PPP1R37: variants seen among roughly 807,000 people sequenced by gnomAD.
PPP1R37 encodes leucine rich repeat containing 68.
In PPP1R37, 21 loss-of-function variants were observed where a neutral mutation model predicts 61.0. The ratio of observed to expected loss-of-function variants is 0.34; its 90% CI spans 0.24 to 0.50. PPP1R37 has a LOEUF of 0.50. Among genes scored for constraint, PPP1R37 ranks in the 20% least tolerant of loss-of-function variants. The probability of loss-of-function intolerance (pLI) is 0.98; values close to 1 mark genes in which losing one functional copy is unlikely to be tolerated. For synonymous variants in PPP1R37, 443 were observed against 433.5 expected (o/e 1.02, Z -0.27); for missense variants, 910 against 952.7 (o/e 0.96, Z 0.59).
In PPP1R37 at chr19:45,120,014, C is replaced by CTTTTTTTTTTTTTTTTTTTTTTTTTT. The variant is rs11312138; in HGVS notation, c.203-18479_203-18478insTTTTTTTTTTTTTTTTTTTTTTTTTT. ...AGCACAGATTTTTTATTTTCCCCTT[C>CTTTTTTTTTTTTTTTTTTTTTTTTTT]TTTTTTTTTTTTTTTTTTTTTGAGA... On this transcript the variant is annotated intron_variant, in intron 1 of 12. Transcript: ENST00000221462. 9.5e-4 allele frequency among the ~76,000 whole-genome samples: 79 copies of CTTTTTTTTTTTTTTTTTTTTTTTTTT among 83,568 alleles called. 9 individuals are homozygous for CTTTTTTTTTTTTTTTTTTTTTTTTTT. The highest frequency in any genetic ancestry group is 1.7e-3 in the Non-Finnish European group (69 of 41,780). 54.8% of individuals were successfully genotyped at this position (83,568 alleles called of 152,430 possible). A position where few individuals can be genotyped will look rare whatever the true frequency, so the allele number is the denominator to read the frequency against.
At chr19:45,144,796 T>G in intron 8 of PPP1R37, 58 bp from the exon 9 acceptor site, 1 of 1,423,882 alleles carries the variant, frequency 7.0e-7, no homozygotes, top group Non-Finnish European at 9.4e-7. Context: ...TGACTTGGCC[T>G]CCTGGGTCTC....
chr19:45,122,546 G>C (rs1398365263), intron 1 of PPP1R37, among the ~76,000 whole-genome samples: 1 of 152,200 alleles, frequency 6.6e-6, no homozygotes, highest in African/African-American at 2.4e-5. Flanking sequence ...CATGAGAAGT[G>C]CCACCTAGAG....
chr19:45,128,114 T>A (rs748274872), intron 1 of PPP1R37, among the ~76,000 whole-genome samples: 13 of 152,306 alleles, frequency 8.5e-5, no homozygotes, highest in South Asian at 2.1e-4. Context: ...TTAAACATTT[T>A]AAAAAATGTA....
At chr19:45,112,806 G>A (rs958966550) in intron 1 of PPP1R37, among the ~76,000 whole-genome samples, 5 of 152,202 alleles carry the variant, frequency 3.3e-5, no homozygotes, top group African/African-American at 7.2e-5. Context: ...GACCCTGCCC[G>A]GGGCACAGAG....
intron 1 of PPP1R37, among the ~76,000 whole-genome samples, chr19:45,114,157 A>G (rs562545502): frequency 1.3e-5 from 2 of 152,374 alleles, no homozygotes; most frequent in Admixed American, 1.3e-4. Context: ...AGACTCAGCC[A>G]TGAAGGGTCG....
intron 1 of PPP1R37, among the ~76,000 whole-genome samples, chr19:45,106,188 T>G (rs544445273): frequency 6.2e-4 from 95 of 152,002 alleles, no homozygotes; most frequent in Non-Finnish European, 1.2e-3. Context: ...CCCTGGCACT[T>G]GGGTCCAGGC....
chr19:45,146,325 G>C, intron 11 of PPP1R37, 65 bp from the exon 12 acceptor site: 2 of 1,450,644 alleles, frequency 1.4e-6, no homozygotes, highest in Non-Finnish European at 1.9e-6. Context: ...GCTGGGGCCG[G>C]GCTGGGGACA....
chr19:45,142,152 G>A lies in PPP1R37; in HGVS notation c.659G>A (p.Ser220Asn). 2.0e-6 allele frequency: 3 copies of A among 1,535,210 alleles called. No individual in the cohort carries two copies. The highest frequency in any genetic ancestry group is 2.6e-6 in the Non-Finnish European group (3 of 1,146,500). ...FVARALRIRSSLAVLHLENAS... is the reference protein window; with the variant it reads ...FVARALRIRSNLAVLHLENAS... The stretch of plus-strand genomic sequence containing the variant: ...GCCCGTGCCCTGCGCATCCGCAGCA[G>A]CCTGGCAGTGCTGCACTTGGAGAAC... The change falls in exon 6 of 13, where the codon AGC (serine) becomes AAC (asparagine). Residue 220 changes from serine (S) to asparagine (N), a missense_variant. Around this residue, in one of 3 missense-constraint regions of PPP1R37, gnomAD observed 280 missense variants for 382.2 expected, o/e 0.73. Transcript: ENST00000221462.
At chr19:45,123,463 G>T (rs937650032) in intron 1 of PPP1R37, among the ~76,000 whole-genome samples, 7 of 152,182 alleles carry the variant, frequency 4.6e-5, no homozygotes, top group Admixed American at 3.3e-4. Flanking sequence ...GTTCGAGAAG[G>T]CTGCATTTCT....
At chr19:45,127,645 G>T (rs1968423774) in intron 1 of PPP1R37, among the ~76,000 whole-genome samples, 1 of 152,124 alleles carries the variant, frequency 6.6e-6, no homozygotes, top group Non-Finnish European at 1.5e-5. Flanking sequence ...GTATTCAAAA[G>T]ATGTAAAAAG....
Position 45,142,468 on chromosome 19 carries a change from G to T in PPP1R37, c.874+10G>T, listed in dbSNP as rs1968626706. On this transcript the variant is annotated intron_variant, in intron 7 of 12. Transcript: ENST00000221462. ...CACGTGCTAGACTCGGGTGGGTGCA[G>T]TGGCCCACCCCACCCACACCCGTCA... 2.0e-6 allele frequency: 3 copies of T among 1,535,584 alleles called. No individual in the cohort carries two copies. Among genetic ancestry groups the T allele is most frequent in the Admixed American group, 2.0e-5 (1 of 50,990 alleles).
intron 1 of PPP1R37, among the ~76,000 whole-genome samples, chr19:45,095,097 A>G (rs1243787736): frequency 1.3e-5 from 2 of 152,182 alleles, no homozygotes; most frequent in African/African-American, 4.8e-5. Flanking sequence ...GTCTGTGGAC[A>G]ATGGAGGAAT....
rs755638845 is a variant in PPP1R37 at position 45,121,982 on chromosome 19, G to A, written c.203-16532G>A. 6.6e-6 allele frequency among the ~76,000 whole-genome samples: 1 copy of A among 152,094 alleles called. No individual in the cohort carries two copies. Among genetic ancestry groups the A allele is most frequent in the African/African-American group, 2.4e-5 (1 of 41,394 alleles). On this transcript the variant is annotated intron_variant, in intron 1 of 12. Transcript: ENST00000221462. This position sits in a 1 kb window ranked among gnomAD's most constrained non-coding sequence, Gnocchi z 4.2. ...CGTGTGGTTTTGCAGGGATAGAGACGTGCAGCAGCACATCCGCAGAGGTAG... is the reference window on the plus strand; with the variant it reads ...CGTGTGGTTTTGCAGGGATAGAGACATGCAGCAGCACATCCGCAGAGGTAG...
intron 2 of PPP1R37, among the ~76,000 whole-genome samples, chr19:45,138,841 C>T (rs989768119): frequency 6.6e-6 from 1 of 151,112 alleles, no homozygotes; most frequent in African/African-American, 2.4e-5. Flanking sequence ...AAAAGAAACG[C>T]TGTTCCCTGG....
rs777597899 is a variant in PPP1R37 at position 45,144,846 on chromosome 19, C to G, written c.988-8C>G. The G allele has an allele frequency of 6.6e-7, 1 of 1,525,984 alleles. No individual in the cohort carries two copies. The highest frequency in any genetic ancestry group is 8.8e-7 in the Non-Finnish European group (1 of 1,140,790). The allele number at this position is 1,525,984 out of a possible 1,614,324, so 94.5% of individuals were successfully genotyped here. On this transcript the variant is annotated splice_polypyrimidine_tract_variant and splice_region_variant and intron_variant, in intron 8 of 12. Coordinates refer to ENST00000221462, the MANE Select transcript of PPP1R37 (RefSeq NM_019121.2). ...CCTCCTCCTCACCCTCACACCCCCT[C>G]CCTCCAGCCGCACACTCAGAGCCTG...
intron 1 of PPP1R37, among the ~76,000 whole-genome samples, chr19:45,120,408 G>T (rs1968327625): frequency 6.6e-6 from 1 of 152,076 alleles, no homozygotes; most frequent in African/African-American, 2.4e-5. Context: ...GTTCCCTGTT[G>T]GCTAAGAGAG....
In PPP1R37 at chr19:45,144,959, C is replaced by T. The variant is rs1453638646; in HGVS notation, c.1093C>T (p.Arg365Cys). ...NGLISNRSVL[R>C]LGLASTKLTC... Reference sequence around the variant, plus strand: ...GCTCATCAGCAACCGCAGCGTGCTGCGCCTCGGGCTGGCCTCCACCAAGCT... The same window carrying T: ...GCTCATCAGCAACCGCAGCGTGCTGTGCCTCGGGCTGGCCTCCACCAAGCT... Residue 365 changes from arginine (R) to cysteine (C), a missense_variant, in exon 9 of 13, where the codon CGC becomes TGC. Physicochemically the swap from Arg to Cys is radical, Grantham distance 180 (BLOSUM62 -3). Transcript: ENST00000221462. 4 of 1,535,316 alleles carry T rather than the reference C, an allele frequency of 2.6e-6. No individual in the cohort carries two copies. Among genetic ancestry groups the T allele is most frequent in the Admixed American group, 2.0e-5 (1 of 50,940 alleles).
intron 1 of PPP1R37, among the ~76,000 whole-genome samples, chr19:45,098,891 C>G (rs1156262776): frequency 6.6e-6 from 1 of 152,104 alleles, no homozygotes; most frequent in Non-Finnish European, 1.5e-5. Context: ...CGTCTGGGCC[C>G]AGCTCCACCT....
At chr19:45,098,309 C>G (rs116497661) in intron 1 of PPP1R37, among the ~76,000 whole-genome samples, 2 of 152,242 alleles carry the variant, frequency 1.3e-5, no homozygotes, top group Non-Finnish European at 2.9e-5. Context: ...ACAAGGAACC[C>G]ATCAGGCCAA....
Sources: allele counts gnomAD v4.1 joint callset (sites outside exome capture counted in the v4.1 genomes callset), GRCh38; gene constraint gnomAD v4.1.1; regional missense constraint gnomAD v4.1.1; non-coding constraint Gnocchi (gnomAD v3.1); transcripts MANE v1.5; gene names NCBI Gene and HGNC (gene_info 2026-07-23, HGNC 2026-07-21).